CACNG3: variants seen among roughly 807,000 people sequenced by gnomAD.
CACNG3 encodes the protein voltage-dependent calcium channel gamma-3 subunit.
In CACNG3, 3 loss-of-function variants were observed where a neutral mutation model predicts 28.5. That is an observed-to-expected ratio of 0.11 (90% CI 0.05 to 0.27). The LOEUF is 0.27. Ranked by LOEUF, CACNG3 falls within the 10% of genes least tolerant of loss-of-function variation. CACNG3 has a pLI of 1.00. For synonymous variants in CACNG3, 174 were observed against 162.2 expected (o/e 1.07, Z -0.55); for missense variants, 236 against 414.4 (o/e 0.57, Z 3.74).
intron 1 of CACNG3, among the ~76,000 whole-genome samples, chr16:24,297,081 T>C (rs1899040960): frequency 6.6e-6 from 1 of 151,842 alleles, no homozygotes; most frequent in Non-Finnish European, 1.5e-5. Context: ...CGAGATCCTG[T>C]TTCCACAAAA....
chr16:24,360,184 C>T (rs1900087364), intron 3 of CACNG3, among the ~76,000 whole-genome samples: 1 of 152,122 alleles, frequency 6.6e-6, no homozygotes, highest in Non-Finnish European at 1.5e-5. Flanking sequence ...AGCTGGTGTA[C>T]CAACAACCTC....
intron 1 of CACNG3, among the ~76,000 whole-genome samples, chr16:24,306,091 G>A (rs973026424): frequency 2.6e-5 from 4 of 152,284 alleles, no homozygotes; most frequent in African/African-American, 9.6e-5. Flanking sequence ...TGCTTTGATG[G>A]AAGCCACCAG....
At chr16:24,343,861 G>A (rs936071182) in intron 1 of CACNG3, among the ~76,000 whole-genome samples, 2 of 152,032 alleles carry the variant, frequency 1.3e-5, no homozygotes, top group Admixed American at 6.6e-5. Flanking sequence ...AGTCTGAGAC[G>A]GGTAGATCAG....
intron 1 of CACNG3, among the ~76,000 whole-genome samples, chr16:24,262,045 C>T (rs1005714703): frequency 1.1e-4 from 16 of 152,118 alleles, no homozygotes; most frequent in East Asian, 1.9e-4. Context: ...CTCCTGTCTC[C>T]GCCCAAGTAG....
chr16:24,312,924 AAAGAAAG>A (rs1474815636), intron 1 of CACNG3, among the ~76,000 whole-genome samples: 1 of 43,288 alleles, frequency 2.3e-5, no homozygotes, highest in Non-Finnish European at 6.9e-5. Flanking sequence ...AGGAAGGAAG[AAAGAAAG>A]AAAGAAAGAA....
intron 1 of CACNG3, among the ~76,000 whole-genome samples, chr16:24,343,684 A>T (rs1476316046): frequency 6.6e-6 from 1 of 152,204 alleles, no homozygotes; most frequent in Non-Finnish European, 1.5e-5. Flanking sequence ...GTAGTTAGGA[A>T]CTTTGTCTTT....
At chr16:24,333,282 T>A (rs1808876468) in intron 1 of CACNG3, 1 of 152,084 alleles carries the variant, frequency 6.6e-6, no homozygotes, top group African/African-American at 2.4e-5. Context: ...CAGAAAAAAA[T>A]CAGCATGTTT....
At chr16:24,355,433 A>C (rs1362827372) in intron 3 of CACNG3, among the ~76,000 whole-genome samples, 1 of 152,102 alleles carries the variant, frequency 6.6e-6, no homozygotes, top group African/African-American at 2.4e-5. Context: ...TAATTAAAAA[A>C]TTAGCTGGGT....
intron 1 of CACNG3, among the ~76,000 whole-genome samples, chr16:24,307,851 T>C (rs1484832732): frequency 1.3e-5 from 2 of 152,158 alleles, no homozygotes; most frequent in Non-Finnish European, 2.9e-5. Context: ...CATTGCATCG[T>C]TGGATCCTTT....
At chr16:24,287,481 G>A (rs1483700925) in intron 1 of CACNG3, among the ~76,000 whole-genome samples, 3 of 131,264 alleles carry the variant, frequency 2.3e-5, no homozygotes, top group Non-Finnish European at 4.6e-5. Flanking sequence ...TCAAGCCACT[G>A]CACTCCAGCT....
At chr16:24,268,608 T>C (rs745454418) in intron 1 of CACNG3, among the ~76,000 whole-genome samples, 7 of 152,246 alleles carry the variant, frequency 4.6e-5, no homozygotes, top group Non-Finnish European at 1.0e-4. Flanking sequence ...TGAGACATCG[T>C]AGCACTAGGC....
intron 1 of CACNG3, among the ~76,000 whole-genome samples, chr16:24,279,315 A>T (rs1898790454): frequency 1.3e-5 from 2 of 152,120 alleles, no homozygotes; most frequent in African/African-American, 4.8e-5. Flanking sequence ...TTTTCTTGAG[A>T]CAGGGTCTCA....
At chr16:24,346,334 G>T (rs941078790) in intron 1 of CACNG3, among the ~76,000 whole-genome samples, 1 of 152,188 alleles carries the variant, frequency 6.6e-6, no homozygotes, top group African/African-American at 2.4e-5. Flanking sequence ...CACTTTGGGA[G>T]GCTGAGGAAG....
At position 24,346,773 on chromosome 16, in the gene CACNG3, C is replaced by T; in HGVS notation, c.251C>T (p.Pro84Leu). Reference protein sequence around the residue: ...RGVCKKIDHFPEDADYEQDTA... With the variant: ...RGVCKKIDHFLEDADYEQDTA... ...GTGTGCAAGAAAATCGATCACTTCCCTGAAGATGCTGACTACGAACAGGAC... is the reference window on the plus strand; with the variant it reads ...GTGTGCAAGAAAATCGATCACTTCCTTGAAGATGCTGACTACGAACAGGAC... The change falls in exon 2 of 4, where the codon CCT (proline) becomes CTT (leucine). Residue 84 changes from proline to leucine, a missense_variant. Physicochemically the swap from Pro to Leu is moderately conservative, Grantham distance 98. This residue lies in a region of CACNG3 where 120 missense variants were observed against 263.4 expected (regional missense o/e 0.46). Transcript: ENST00000005284. 1 of 1,614,134 alleles carries T rather than the reference C, an allele frequency of 6.2e-7. No individual in the cohort carries two copies. Among genetic ancestry groups the T allele is most frequent in the Non-Finnish European group, 8.5e-7 (1 of 1,179,986 alleles).
At chr16:24,348,423 C>T (rs755819630) in intron 2 of CACNG3, among the ~76,000 whole-genome samples, 2 of 152,090 alleles carry the variant, frequency 1.3e-5, no homozygotes, top group East Asian at 1.9e-4. Context: ...ACTGGCTACA[C>T]GGTGTGGAGG....
intron 1 of CACNG3, among the ~76,000 whole-genome samples, chr16:24,327,612 C>A (rs1899574651): frequency 1.3e-5 from 2 of 148,598 alleles, no homozygotes; most frequent in African/African-American, 5.0e-5. Flanking sequence ...ATAGTGAGAA[C>A]CTGTCTCAAA....
intron 1 of CACNG3, among the ~76,000 whole-genome samples, chr16:24,262,282 C>G (rs1335462990): frequency 6.6e-6 from 1 of 152,074 alleles, no homozygotes; most frequent in Non-Finnish European, 1.5e-5. Context: ...GCCACTAAAG[C>G]CTGAGAGGCA....
intron 1 of CACNG3, among the ~76,000 whole-genome samples, chr16:24,343,853 T>C (rs1899821850): frequency 6.6e-6 from 1 of 150,540 alleles, no homozygotes; most frequent in African/African-American, 2.4e-5. Flanking sequence ...ACTTTGGGAG[T>C]CTGAGACGGG....
chr16:24,262,434 T>C (rs1022432023), intron 1 of CACNG3, among the ~76,000 whole-genome samples: 5 of 152,194 alleles, frequency 3.3e-5, no homozygotes, highest in Non-Finnish European at 5.9e-5. Flanking sequence ...AATGTGTCCA[T>C]AGCGCCATAC....
Sources: gnomAD v4.1 joint callset for allele counts (sites outside exome capture counted in the v4.1 genomes callset) on GRCh38, gnomAD v4.1.1 for gene constraint, gnomAD v4.1.1 regional missense constraint, MANE v1.5 for transcripts, NCBI Gene and HGNC (gene_info 2026-07-23, HGNC 2026-07-21) for gene names.